Variants in OR7C1 observed in about 807,000 individuals in gnomAD.
OR7C1 encodes olfactory receptor 7C1.
For missense variants in OR7C1, 324 were observed against 383.3 expected, an observed-to-expected ratio of 0.85 and a Z score of 1.29; for synonymous variants, 152 against 160.7, an observed-to-expected ratio of 0.95 and a Z score of 0.41.
chr19:14,825,018 C>G (rs2044758614), intron 1 of OR7C1: 2 of 152,142 alleles, frequency 1.3e-5, no homozygotes, highest in South Asian at 2.1e-4. Context: ...CATTTGAACT[C>G]AGGAATTTGA....
intron 1 of OR7C1, among the ~76,000 whole-genome samples, chr19:14,818,620 A>T (rs917935764): frequency 6.6e-6 from 1 of 152,072 alleles, no homozygotes; most frequent in Non-Finnish European, 1.5e-5. Context: ...CAGTGTTTTC[A>T]TTCCTGTATT....
At chr19:14,807,358 G>A (rs933208682) in intron 2 of OR7C1, among the ~76,000 whole-genome samples, 1 of 151,922 alleles carries the variant, frequency 6.6e-6, no homozygotes. Context: ...AAGTGGTCAT[G>A]TGTCCAGCTA....
intron 1 of OR7C1, chr19:14,827,413 T>A (rs762650685): frequency 1.2e-6 from 2 of 1,614,112 alleles, no homozygotes; most frequent in South Asian, 2.2e-5. Flanking sequence ...ACAGTGTACA[T>A]CACTGAGGCT....
At chr19:14,833,969 A>T (rs999228799) in intron 1 of OR7C1, among the ~76,000 whole-genome samples, 13 of 152,328 alleles carry the variant, frequency 8.5e-5, no homozygotes, top group African/African-American at 2.9e-4. Flanking sequence ...AATATTAAAA[A>T]CACATACAGG....
At chr19:14,799,856 T>C in exon 5 of OR7C1, 3 of 1,614,174 alleles carry the variant, frequency 1.9e-6, no homozygotes, top group Non-Finnish European at 1.7e-6. Context: ...ACAGCCTGCA[T>C]ATGTTATGAA....
chr19:14,832,046 C>T (rs945873296), intron 1 of OR7C1, among the ~76,000 whole-genome samples: 12 of 152,022 alleles, frequency 7.9e-5, no homozygotes, highest in East Asian at 5.8e-4. Context: ...ATGACTGGGA[C>T]GAAAGGCATG....
At chr19:14,804,785 G>T (rs2044658434) in intron 2 of OR7C1, among the ~76,000 whole-genome samples, 1 of 151,950 alleles carries the variant, frequency 6.6e-6, no homozygotes, top group African/African-American at 2.4e-5. Context: ...AGATAGAGAT[G>T]GTGGTTGCGC....
intron 1 of OR7C1, among the ~76,000 whole-genome samples, chr19:14,814,961 G>A (rs571222521): frequency 6.6e-6 from 1 of 152,280 alleles, no homozygotes; most frequent in Admixed American, 6.5e-5. Context: ...AGGGCCTAAC[G>A]CCATGCCCGG....
At chr19:14,800,007 G>A in exon 5 of OR7C1, 1 of 1,614,142 alleles carries the variant, frequency 6.2e-7, no homozygotes, top group Non-Finnish European at 8.5e-7. Flanking sequence ...AGGATGATGA[G>A]CAGGTTCCCG....
intron 1 of OR7C1, chr19:14,824,376 C>T (rs997643514): frequency 1.3e-5 from 2 of 152,210 alleles, no homozygotes; most frequent in African/African-American, 4.8e-5. Flanking sequence ...TTCCTACTCC[C>T]TTTCTCCCCA....
intron 1 of OR7C1, among the ~76,000 whole-genome samples, chr19:14,815,031 G>T (rs1599918085): frequency 6.6e-6 from 1 of 152,188 alleles, no homozygotes. Context: ...CTGCCAAATG[G>T]TTTTTATTTT....
intron 2 of OR7C1, among the ~76,000 whole-genome samples, chr19:14,806,587 A>C (rs997797743): frequency 4.6e-5 from 7 of 151,748 alleles, no homozygotes; most frequent in African/African-American, 1.7e-4. Flanking sequence ...CCCTGTGTCC[A>C]TGCATTCTCA....
intron 2 of OR7C1, among the ~76,000 whole-genome samples, chr19:14,805,169 G>T (rs1391800531): frequency 1.3e-5 from 2 of 151,740 alleles, no homozygotes; most frequent in Non-Finnish European, 2.9e-5. Context: ...GTTCAGCTTT[G>T]ATCACTACGC....
chr19:14,824,666 A>T (rs958431629), intron 1 of OR7C1: 3 of 152,286 alleles, frequency 2.0e-5, no homozygotes, highest in Middle Eastern at 3.4e-3. Flanking sequence ...TGCTATTGTG[A>T]ATAGCACCAC....
At chr19:14,814,529 T>A (rs966591792) in intron 1 of OR7C1, among the ~76,000 whole-genome samples, 1 of 152,136 alleles carries the variant, frequency 6.6e-6, no homozygotes. Context: ...GTTCAAGAGA[T>A]TCTCCTGCCT....
intron 1 of OR7C1, among the ~76,000 whole-genome samples, chr19:14,810,195 G>A (rs967050667): frequency 2.0e-5 from 3 of 151,602 alleles, no homozygotes; most frequent in Non-Finnish European, 4.4e-5. Context: ...CTTTCTATTC[G>A]ATGGTTTTCA....
intron 1 of OR7C1, chr19:14,825,936 A>C (rs1307740755): frequency 6.6e-6 from 1 of 152,246 alleles, no homozygotes; most frequent in African/African-American, 2.4e-5. Context: ...CATTCAGAAT[A>C]GTCTGCTGCT....
chr19:14,805,761 T>C (rs1453204697), intron 2 of OR7C1, among the ~76,000 whole-genome samples: 1 of 151,918 alleles, frequency 6.6e-6, no homozygotes, highest in Admixed American at 6.6e-5. Flanking sequence ...ATGACCAGCT[T>C]CATTGGGTTT....
At chr19:14,822,371 G>GTTTT (rs1452782683) in intron 1 of OR7C1, among the ~76,000 whole-genome samples, 12 of 88,996 alleles carry the variant, frequency 1.3e-4, no homozygotes, top group South Asian at 8.4e-4. Context: ...CTTATCTCCT[G>GTTTT]TCTTTTTTTT....
Sources: allele counts gnomAD v4.1 joint callset (sites outside exome capture counted in the v4.1 genomes callset), GRCh38; gene constraint gnomAD v4.1.1; transcripts MANE v1.5; gene names NCBI Gene and HGNC (gene_info 2026-07-23, HGNC 2026-07-21).